SS18: variants seen among roughly 807,000 people sequenced by gnomAD.
SS18 encodes the protein protein SSXT.
Under a neutral mutation model 72.5 loss-of-function variants are expected in SS18, and 28 were observed. The observed-to-expected ratio is 0.39, with a 90% CI of 0.29 to 0.53. The LOEUF is 0.53. Ranked by LOEUF, SS18 falls within the 20% of genes least tolerant of loss-of-function variation. The pLI is 0.76. For missense variants in SS18, 518 were observed against 535.3 expected (o/e 0.97, Z 0.32); for synonymous variants, 172 against 164.2 (o/e 1.05, Z -0.37).
intron 1 of SS18, among the ~76,000 whole-genome samples, chr18:26,088,474 TTA>T (rs1227408296): frequency 6.6e-6 from 1 of 152,360 alleles, no homozygotes; most frequent in African/African-American, 2.4e-5. Context: ...GTTACAGACT[TTA>T]TGAGTTTACT....
intron 5 of SS18, among the ~76,000 whole-genome samples, chr18:26,043,009 G>A (rs1356944261): frequency 2.6e-5 from 4 of 151,974 alleles, no homozygotes; most frequent in Non-Finnish European, 5.9e-5. Flanking sequence ...TAAAATGACA[G>A]CTAACATTTA....
chr18:26,085,707 G>C (rs1025402641), intron 2 of SS18, among the ~76,000 whole-genome samples: 6 of 152,052 alleles, frequency 3.9e-5, no homozygotes, highest in Non-Finnish European at 8.8e-5. Context: ...GCATGTAAAA[G>C]GTGACTTATC....
At position 26,035,030 on chromosome 18, in the gene SS18, A is replaced by T. The variant is rs759961820; in HGVS notation, c.1071T>A (p.Gly357=). 1 of 1,613,442 alleles carries T rather than the reference A, an allele frequency of 6.2e-7. No homozygotes were observed. Among genetic ancestry groups the T allele is most frequent in the Non-Finnish European group, 8.5e-7 (1 of 1,179,586 alleles). Residue 357 remains glycine, a synonymous_variant, in exon 9 of 11, where the codon GGT becomes GGA. Coordinates refer to ENST00000415083, the MANE Select transcript of SS18 (RefSeq NM_001007559.3). The surrounding 1 kb of genome is among the most constrained non-coding windows in gnomAD (Gnocchi z 4.4). ...PQQQQYPGQQ[G]YPGQQQGYGP... is the part of the protein sequence containing the mutation. Reference sequence around the variant, plus strand: ...CGTAGCCCTGCTGCTGTCCTGGGTAACCTTGCTGCCCTGGGTACTGCTGCT... The same window carrying T: ...CGTAGCCCTGCTGCTGTCCTGGGTATCCTTGCTGCCCTGGGTACTGCTGCT...
intron 3 of SS18, among the ~76,000 whole-genome samples, chr18:26,067,209 T>C (rs1375994594): frequency 2.0e-5 from 3 of 152,186 alleles, no homozygotes; most frequent in Admixed American, 6.5e-5. Context: ...AATATCAAAA[T>C]GTTTTAACTA....
chr18:26,090,782 G>T (rs564282625), upstream of SS18: 166 of 594,518 alleles, frequency 2.8e-4, 3 homozygotes, highest in South Asian at 3.2e-3. Context: ...CCCTAGCCCT[G>T]GCCGAACTTT....
intron 7 of SS18, 49 bp downstream of exon 7, chr18:26,038,498 CTACATTAA>C (rs2053663779): frequency 3.4e-6 from 5 of 1,469,428 alleles, no homozygotes; most frequent in Non-Finnish European, 4.8e-6. Context: ...AAATAACTCT[CTACATTAA>C]TATTAGGCAG....
chr18:26,048,884 A>G (rs949231194), intron 5 of SS18, among the ~76,000 whole-genome samples: 6 of 152,222 alleles, frequency 3.9e-5, no homozygotes, highest in African/African-American at 1.2e-4. Context: ...TCACCTTTTT[A>G]AAAAAGCTTG....
chr18:26,061,505 T>A (rs1007624803), intron 3 of SS18, among the ~76,000 whole-genome samples: 1 of 152,042 alleles, frequency 6.6e-6, no homozygotes, highest in African/African-American at 2.4e-5. Context: ...TATATCAAAG[T>A]ATTAAAAACT....
chr18:26,029,376 G>GT (rs2053505322), intron 10 of SS18, among the ~76,000 whole-genome samples: 1 of 152,210 alleles, frequency 6.6e-6, no homozygotes, highest in Non-Finnish European at 1.5e-5. Context: ...CATGTGCAGA[G>GT]TATCTTGTAG....
chr18:26,062,970 A>C (rs1452409436), intron 3 of SS18, among the ~76,000 whole-genome samples: 2 of 152,208 alleles, frequency 1.3e-5, no homozygotes, highest in Non-Finnish European at 2.9e-5. Context: ...TAGAAGAAAA[A>C]AAACCCTATG....
At chr18:26,062,120 C>T (rs889295095) in intron 3 of SS18, among the ~76,000 whole-genome samples, 1 of 151,934 alleles carries the variant, frequency 6.6e-6, no homozygotes, top group African/African-American at 2.4e-5. Context: ...AATTAGCAGG[C>T]ATGGTGGCGG....
chr18:26,027,355 AAG>A (rs139934121), intron 10 of SS18, among the ~76,000 whole-genome samples: 14,075 of 152,068 alleles, frequency 0.093, 970 homozygotes, highest in African/African-American at 0.17. Flanking sequence ...CAGTAGGTAA[AAG>A]AGAGTTTTTG....
intron 3 of SS18, among the ~76,000 whole-genome samples, chr18:26,060,804 A>AAAAAAAAAAAAC (rs2054108597): frequency 7.3e-6 from 1 of 137,602 alleles, no homozygotes; most frequent in Non-Finnish European, 1.5e-5. Context: ...AAAAAAAAAA[A>AAAAAAAAAAAAC]AATCAGCCAG....
intron 9 of SS18, among the ~76,000 whole-genome samples, chr18:26,033,751 GAA>G (rs2053583325): frequency 6.6e-6 from 1 of 151,844 alleles, no homozygotes; most frequent in African/African-American, 2.4e-5. Context: ...AAACAAAATA[GAA>G]ATTTCTCTTA....
intron 3 of SS18, among the ~76,000 whole-genome samples, chr18:26,059,769 A>G (rs978464462): frequency 6.6e-6 from 1 of 152,244 alleles, no homozygotes; most frequent in Non-Finnish European, 1.5e-5. Flanking sequence ...CACAAACTAG[A>G]GCTTCTATAA....
intron 1 of SS18, chr18:26,090,232 C>T: frequency 2.0e-6 from 1 of 497,946 alleles, no homozygotes; most frequent in South Asian, 2.6e-5. Flanking sequence ...AACGCCGCCC[C>T]ATCCCTAGAG....
intron 4 of SS18, among the ~76,000 whole-genome samples, chr18:26,055,392 G>A (rs774703913): frequency 3.3e-5 from 5 of 151,852 alleles, no homozygotes; most frequent in Admixed American, 6.6e-5. Context: ...GCTTGAACCC[G>A]GGAGGCAGAG....
chr18:26,053,199 T>C (rs1254855812), intron 4 of SS18, among the ~76,000 whole-genome samples: 1 of 152,106 alleles, frequency 6.6e-6, no homozygotes, highest in Admixed American at 6.5e-5. Context: ...TAGACCCAAA[T>C]ACATAGCTGA....
At chr18:26,083,697 A>G (rs1172434857) in intron 2 of SS18, among the ~76,000 whole-genome samples, 1 of 152,172 alleles carries the variant, frequency 6.6e-6, no homozygotes, top group Non-Finnish European at 1.5e-5. Context: ...TAGTACAAAT[A>G]TGGTATTATA....
Sources: gnomAD v4.1 joint callset for allele counts (sites outside exome capture counted in the v4.1 genomes callset) on GRCh38, gnomAD v4.1.1 for gene constraint, Gnocchi (gnomAD v3.1) non-coding constraint, MANE v1.5 for transcripts, NCBI Gene and HGNC (gene_info 2026-07-23, HGNC 2026-07-21) for gene names.